NCKAP5: variants seen among roughly 807,000 people sequenced by gnomAD.
NCKAP5 encodes the protein nck-associated protein 5.
NCKAP5 carries 92 observed loss-of-function variants against 167.0 expected under a neutral mutation model. That is an observed-to-expected ratio of 0.55 (90% confidence interval 0.47 to 0.66). The LOEUF is 0.66. Ranked by LOEUF, NCKAP5 falls within the 30% of genes least tolerant of loss-of-function variation. The pLI is 0.00. For synonymous variants in NCKAP5, 891 were observed against 877.4 expected (o/e 1.02, Z -0.27); for missense variants, 2,378 against 2,315.0 (o/e 1.03, Z -0.56).
chr2:133,371,902 T>G (rs769537762), intron 3 of NCKAP5, among the ~76,000 whole-genome samples: 1 of 152,192 alleles, frequency 6.6e-6, no homozygotes, highest in Non-Finnish European at 1.5e-5. Context: ...AAGGATTCAT[T>G]GAGTTGTATG....
chr2:133,580,558 A>T, the NCKAP5 span, among the ~76,000 whole-genome samples: 3 of 152,212 alleles, frequency 2.0e-5, no homozygotes, highest in African/African-American at 7.2e-5. Flanking sequence ...GAGTTATGGT[A>T]TAGTATAAAT....
At chr2:133,083,155 GT>G (rs1165781193) in intron 6 of NCKAP5, among the ~76,000 whole-genome samples, 1 of 152,160 alleles carries the variant, frequency 6.6e-6, no homozygotes, top group Non-Finnish European at 1.5e-5. Context: ...TTATTTGACA[GT>G]TGCTCAGATT....
At chr2:133,488,787 G>A (rs1054857543) in intron 3 of NCKAP5, among the ~76,000 whole-genome samples, 2 of 152,224 alleles carry the variant, frequency 1.3e-5, no homozygotes, top group Non-Finnish European at 2.9e-5. Flanking sequence ...ATGGTGGCAC[G>A]CACCTATAGT....
intron 3 of NCKAP5, among the ~76,000 whole-genome samples, chr2:133,401,025 G>A (rs903620305): frequency 5.9e-5 from 9 of 152,218 alleles, no homozygotes; most frequent in Middle Eastern, 3.4e-3. Flanking sequence ...GATAGTTTCC[G>A]GATGGGACCT....
At chr2:133,007,114 G>A (rs956801424) in intron 6 of NCKAP5, among the ~76,000 whole-genome samples, 9 of 152,168 alleles carry the variant, frequency 5.9e-5, no homozygotes, top group East Asian at 3.9e-4. Context: ...CCTAAGGGGC[G>A]TAGGTGGAGC....
At chr2:133,553,174 A>T (rs1459537727) in intron 2 of NCKAP5, among the ~76,000 whole-genome samples, 1 of 152,256 alleles carries the variant, frequency 6.6e-6, no homozygotes, top group Admixed American at 6.5e-5. Flanking sequence ...TATGGTCAAG[A>T]TAAATACAGG....
intron 4 of NCKAP5, among the ~76,000 whole-genome samples, chr2:133,218,885 A>G (rs1002908520): frequency 6.6e-6 from 1 of 152,218 alleles, no homozygotes; most frequent in Non-Finnish European, 1.5e-5. Context: ...TTATTAATTC[A>G]ATTTGAAAGA....
At chr2:133,606,722 G>C in the NCKAP5 span, among the ~76,000 whole-genome samples, 1 of 111,880 alleles carries the variant, frequency 8.9e-6, no homozygotes, top group Non-Finnish European at 1.8e-5. Flanking sequence ...AAAGCTGGTT[G>C]CAGAAATGGA....
At chr2:132,978,113 G>C (rs2077029321) in intron 7 of NCKAP5, among the ~76,000 whole-genome samples, 1 of 152,120 alleles carries the variant, frequency 6.6e-6, no homozygotes, top group Admixed American at 6.5e-5. Context: ...ATCCTCAAAG[G>C]CAATTAGAAA....
At chr2:133,039,459 T>C (rs2079142948) in intron 6 of NCKAP5, among the ~76,000 whole-genome samples, 1 of 152,210 alleles carries the variant, frequency 6.6e-6, no homozygotes, top group South Asian at 2.1e-4. Flanking sequence ...AATTTCCTTT[T>C]AGGATCAGAG....
At position 132,782,895 on chromosome 2, in the gene NCKAP5, C is replaced by A. The variant is rs138188992; in HGVS notation, c.3916G>T (p.Ala1306Ser). The change falls in exon 14 of 20, where the codon GCC (alanine) becomes TCC (serine). Residue 1306 changes from alanine to serine, a missense_variant. Ala to Ser is a moderately conservative substitution (Grantham distance 99). This residue lies in a region of NCKAP5 where 1,325 missense variants were observed against 1,274.5 expected (regional missense o/e 1.04). Coordinates refer to ENST00000409261, the MANE Select transcript of NCKAP5 (RefSeq NM_207363.3). ...KVRTQIITNT[A>S]ERGNSLTRQN... ...CGGGTAAGAGAATTGCCTCTCTCGGCGGTATTGGTAATGATCTGAGTGCGG... is the reference window on the plus strand; with the variant it reads ...CGGGTAAGAGAATTGCCTCTCTCGGAGGTATTGGTAATGATCTGAGTGCGG... The A allele has an allele frequency of 6.2e-7, 1 of 1,613,888 alleles. No individual in the cohort carries two copies. The highest frequency in any genetic ancestry group is 8.5e-7 in the Non-Finnish European group (1 of 1,179,878).
At chr2:132,927,289 G>T (rs1695979567) in intron 8 of NCKAP5, among the ~76,000 whole-genome samples, 1 of 152,188 alleles carries the variant, frequency 6.6e-6, no homozygotes, top group East Asian at 1.9e-4. Context: ...ATAATTTGAG[G>T]TCAGGTAATG....
At chr2:132,912,915 A>G (rs908625533) in intron 8 of NCKAP5, among the ~76,000 whole-genome samples, 2 of 152,122 alleles carry the variant, frequency 1.3e-5, no homozygotes, top group Non-Finnish European at 2.9e-5. Flanking sequence ...ATTTTTTTCT[A>G]TATCAACAAC....
At chr2:132,764,080 G>A (rs900325705) in intron 16 of NCKAP5, among the ~76,000 whole-genome samples, 1 of 152,164 alleles carries the variant, frequency 6.6e-6, no homozygotes, top group African/African-American at 2.4e-5. Flanking sequence ...CAGAGGAAAG[G>A]AGTCATAGAC....
intron 5 of NCKAP5, among the ~76,000 whole-genome samples, chr2:133,142,886 AG>A (rs1222942593): frequency 2.6e-5 from 4 of 152,174 alleles, no homozygotes; most frequent in Admixed American, 2.6e-4. Flanking sequence ...CATTTGGACC[AG>A]TTAGATTTAT....
intron 2 of NCKAP5, among the ~76,000 whole-genome samples, chr2:133,527,797 G>T (rs929946533): frequency 3.3e-5 from 5 of 152,078 alleles, no homozygotes; most frequent in African/African-American, 1.2e-4. Flanking sequence ...AGGTTCGGTG[G>T]TTCATACCTG....
At chr2:132,725,349 T>C (rs1215020114) in intron 19 of NCKAP5, among the ~76,000 whole-genome samples, 1 of 152,218 alleles carries the variant, frequency 6.6e-6, no homozygotes, top group Non-Finnish European at 1.5e-5. Flanking sequence ...TAGTCATTCC[T>C]TCATTATTGA....
chr2:132,777,360 T>C (rs763610126), intron 15 of NCKAP5, among the ~76,000 whole-genome samples: 5 of 152,214 alleles, frequency 3.3e-5, no homozygotes, highest in African/African-American at 4.8e-5. Context: ...ACCATTGACA[T>C]AATTGATATA....
the NCKAP5 span, among the ~76,000 whole-genome samples, chr2:133,626,434 CA>C: frequency 1.4e-5 from 2 of 142,922 alleles, no homozygotes; most frequent in Non-Finnish European, 3.0e-5. Flanking sequence ...GATAGACAAA[CA>C]GGTTTTTTCA....
Sources: gnomAD v4.1 joint callset for allele counts (sites outside exome capture counted in the v4.1 genomes callset) on GRCh38, gnomAD v4.1.1 for gene constraint, gnomAD v4.1.1 regional missense constraint, MANE v1.5 for transcripts, NCBI Gene and HGNC (gene_info 2026-07-23, HGNC 2026-07-21) for gene names.